The following SPOCK3 variants were observed in gnomAD, a reference collection of about 807,000 sequenced individuals.
SPOCK3 encodes SPARC (osteonectin), cwcv and kazal like domains proteoglycan 3, also known as testican-3.
In SPOCK3, 30 loss-of-function variants were observed where a neutral mutation model predicts 56.6. The ratio of observed to expected loss-of-function variants is 0.53; its 90% CI spans 0.40 to 0.72. SPOCK3 has a LOEUF of 0.72. Ranked by LOEUF, SPOCK3 falls within the 30% of genes least tolerant of loss-of-function variation. The pLI is 0.00. For missense variants in SPOCK3, 527 were observed against 530.0 expected (o/e 0.99, Z 0.06); for synonymous variants, 196 against 183.3 (o/e 1.07, Z -0.56).
At chr4:167,094,982 T>A (rs902999429) in intron 2 of SPOCK3, among the ~76,000 whole-genome samples, 3 of 152,046 alleles carry the variant, frequency 2.0e-5, no homozygotes, top group African/African-American at 7.2e-5. Flanking sequence ...CCAGTCTGAA[T>A]CCAAGTTTGA....
intron 4 of SPOCK3, among the ~76,000 whole-genome samples, chr4:166,954,004 C>A (rs988814883): frequency 6.6e-6 from 1 of 152,052 alleles, no homozygotes; most frequent in African/African-American, 2.4e-5. Context: ...TTAGTGGGTG[C>A]AGTGCACTAG....
chr4:166,952,667 T>A (rs1742820277), intron 4 of SPOCK3, among the ~76,000 whole-genome samples: 1 of 152,124 alleles, frequency 6.6e-6, no homozygotes. Flanking sequence ...GGCATCACAC[T>A]ACCTGACTTC....
chr4:167,217,766 G>A (rs1413149336), intron 2 of SPOCK3, among the ~76,000 whole-genome samples: 4 of 152,086 alleles, frequency 2.6e-5, no homozygotes, highest in Admixed American at 1.3e-4. Flanking sequence ...TATAACATGT[G>A]CCCAACTTAA....
intron 6 of SPOCK3, among the ~76,000 whole-genome samples, chr4:166,875,645 G>T (rs968510116): frequency 2.0e-5 from 3 of 152,110 alleles, no homozygotes; most frequent in Admixed American, 6.5e-5. Context: ...GACAATATAA[G>T]AAAATGGAAA....
At chr4:167,054,213 T>G (rs1754540939) in intron 3 of SPOCK3, among the ~76,000 whole-genome samples, 1 of 152,196 alleles carries the variant, frequency 6.6e-6, no homozygotes, top group African/African-American at 2.4e-5. Context: ...CTGTCAAGAT[T>G]CACTGCTAGG....
intron 6 of SPOCK3, among the ~76,000 whole-genome samples, chr4:166,869,186 G>A (rs531193299): frequency 7.6e-6 from 1 of 130,956 alleles, no homozygotes; most frequent in South Asian, 2.2e-4. Flanking sequence ...AGCAGGAATA[G>A]CTAAAAGGAC....
intron 2 of SPOCK3, among the ~76,000 whole-genome samples, chr4:167,144,391 T>C (rs1202918354): frequency 6.6e-6 from 1 of 152,006 alleles, no homozygotes; most frequent in East Asian, 1.9e-4. Context: ...CTTAAAATAA[T>C]TTCAAGTGCT....
intron 4 of SPOCK3, among the ~76,000 whole-genome samples, chr4:166,952,709 C>T (rs1490828410): frequency 6.6e-6 from 1 of 152,162 alleles, no homozygotes; most frequent in East Asian, 1.9e-4. Flanking sequence ...GTAACCAAAA[C>T]AGCATGGTAC....
intron 6 of SPOCK3, among the ~76,000 whole-genome samples, chr4:166,820,909 T>C (rs1259411392): frequency 6.6e-6 from 1 of 151,940 alleles, no homozygotes; most frequent in African/African-American, 2.4e-5. Flanking sequence ...ACGTCTTAGC[T>C]ACAAAACCAA....
intron 3 of SPOCK3, among the ~76,000 whole-genome samples, 182 bp downstream of exon 3, chr4:167,062,310 T>G (rs1230798979): frequency 1.3e-5 from 2 of 151,840 alleles, no homozygotes; most frequent in Non-Finnish European, 2.9e-5. Flanking sequence ...TCATGATAAC[T>G]AATTAGCTTA....
At chr4:167,070,445 T>G (rs1054997236) in intron 2 of SPOCK3, among the ~76,000 whole-genome samples, 8 of 151,962 alleles carry the variant, frequency 5.3e-5, no homozygotes, top group Non-Finnish European at 8.8e-5. Context: ...AATAATATAA[T>G]GATTTTGTAA....
chr4:166,997,169 AG>A (rs1201471973), intron 4 of SPOCK3, among the ~76,000 whole-genome samples: 4 of 151,894 alleles, frequency 2.6e-5, no homozygotes, highest in Non-Finnish European at 2.9e-5. Context: ...GGTGGGGGTT[AG>A]GGGGAGGGAG....
intron 3 of SPOCK3, among the ~76,000 whole-genome samples, chr4:167,006,045 G>A (rs1749439562): frequency 1.3e-5 from 2 of 151,890 alleles, no homozygotes; most frequent in Admixed American, 1.3e-4. Flanking sequence ...CATTTGGATG[G>A]GATATTTTAT....
At chr4:166,754,304 TTTTTCATCTTATTTAGC>T in intron 8 of SPOCK3, 187 bp downstream of exon 8, 1 of 1,295,342 alleles carries the variant, frequency 7.7e-7, no homozygotes, top group Non-Finnish European at 9.8e-7. Flanking sequence ...TTAATTACTA[TTTTTCATCTTATTTAGC>T]ATGTGTTGTA....
chr4:166,762,406 G>T (rs1737361784), intron 7 of SPOCK3, among the ~76,000 whole-genome samples: 1 of 152,096 alleles, frequency 6.6e-6, no homozygotes, highest in Admixed American at 6.6e-5. Context: ...AAGTATAAAA[G>T]GGTCTGCATA....
intron 7 of SPOCK3, among the ~76,000 whole-genome samples, chr4:166,783,715 T>C (rs1740425422): frequency 6.6e-6 from 1 of 152,074 alleles, no homozygotes; most frequent in Non-Finnish European, 1.5e-5. Context: ...CAACCCCAAA[T>C]AATTTTTTTA....
intron 4 of SPOCK3, among the ~76,000 whole-genome samples, chr4:166,956,206 T>C (rs1427916196): frequency 7.1e-6 from 1 of 141,254 alleles, no homozygotes; most frequent in African/African-American, 2.9e-5. Context: ...ATGAATAATA[T>C]TAAACCACAC....
intron 6 of SPOCK3, among the ~76,000 whole-genome samples, chr4:166,872,733 CTTAG>C (rs1312434314): frequency 6.6e-6 from 1 of 152,076 alleles, no homozygotes; most frequent in African/African-American, 2.4e-5. Context: ...ATATGAATGT[CTTAG>C]TTATTTTTTT....
At chr4:167,059,547 G>A (rs1455045791) in intron 3 of SPOCK3, among the ~76,000 whole-genome samples, 4 of 152,076 alleles carry the variant, frequency 2.6e-5, no homozygotes, top group South Asian at 2.1e-4. Flanking sequence ...CTTTTACACT[G>A]TTGTTGGGAC....
Sources: gnomAD v4.1 joint callset for allele counts (sites outside exome capture counted in the v4.1 genomes callset) on GRCh38, gnomAD v4.1.1 for gene constraint, MANE v1.5 for transcripts, NCBI Gene and HGNC (gene_info 2026-07-23, HGNC 2026-07-21) for gene names.